The following GSAP variants were observed in gnomAD, a reference collection of about 807,000 sequenced individuals.
The protein encoded by GSAP is gamma-secretase activating protein.
A neutral mutation model predicts 131.7 loss-of-function variants in GSAP; 118 were observed. That is an observed-to-expected ratio of 0.90 (90% CI 0.77 to 1.04). GSAP has a LOEUF of 1.04. GSAP is among the 50% of genes least tolerant of loss of function. The probability of loss-of-function intolerance (pLI) is 0.00; values close to 1 mark genes in which losing one functional copy is unlikely to be tolerated. For synonymous variants in GSAP, 381 were observed against 363.4 expected (o/e 1.05, Z -0.55); for missense variants, 1,019 against 1,013.2 (o/e 1.01, Z -0.08).
intron 5 of GSAP, among the ~76,000 whole-genome samples, chr7:77,389,318 GT>G (rs1799074434): frequency 7.0e-6 from 1 of 142,964 alleles, no homozygotes; most frequent in African/African-American, 2.7e-5. Flanking sequence ...TTGTTTGTTT[GT>G]TTTGTTTTGT....
intron 22 of GSAP, chr7:77,328,337 G>T: frequency 1.6e-6 from 2 of 1,216,918 alleles, no homozygotes; most frequent in Non-Finnish European, 2.0e-6. Context: ...GGGCAGCTCT[G>T]TATGACAGGA....
At chr7:77,333,792 G>A (rs1226247238) in intron 19 of GSAP, among the ~76,000 whole-genome samples, 2 of 152,084 alleles carry the variant, frequency 1.3e-5, no homozygotes, top group African/African-American at 2.4e-5. Flanking sequence ...CCCACATAAC[G>A]TTTTAGATGT....
In GSAP at chr7:77,311,412, T is replaced by C; in HGVS notation, c.2511A>G (p.Ala837=). 1 of 1,612,624 alleles carries C rather than the reference T, an allele frequency of 6.2e-7. No individual in the cohort carries two copies. Residue 837 remains alanine (A), a synonymous_variant, in exon 31 of 31, where the codon GCA becomes GCG. Coordinates refer to ENST00000257626, the MANE Select transcript of GSAP (RefSeq NM_017439.4). ...TCAGAGCTGCTTCCTCTACAAATTC[T>C]GCATCCACATTGTCATGTCCTTCAA... The part of the protein sequence containing the change: ...YPFEGHDNVD[A]EFVEEAALKH...
intron 12 of GSAP, among the ~76,000 whole-genome samples, chr7:77,365,722 G>T (rs779019135): frequency 6.6e-6 from 1 of 152,068 alleles, no homozygotes; most frequent in Non-Finnish European, 1.5e-5. Context: ...ATGGTAGAAT[G>T]ATTTTTATTC....
chr7:77,387,290 A>T (rs574178309), intron 6 of GSAP, 70 bp downstream of exon 6: 2 of 816,028 alleles, frequency 2.5e-6, no homozygotes, highest in East Asian at 4.9e-5. Flanking sequence ...AGTACTTTGT[A>T]AACCCCAATT....
At chr7:77,325,407 A>G (rs11983724) in intron 23 of GSAP, among the ~76,000 whole-genome samples, 29,414 of 152,126 alleles carry the variant, frequency 0.19, 3,048 homozygotes, top group Non-Finnish European at 0.2. Context: ...AAAATATCTT[A>G]TTAGGCTTTC....
At chr7:77,368,434 T>C (rs1795628429) in intron 12 of GSAP, among the ~76,000 whole-genome samples, 1 of 152,190 alleles carries the variant, frequency 6.6e-6, no homozygotes, top group African/African-American at 2.4e-5. Flanking sequence ...TTGGCTACCA[T>C]ACTGGACAAC....
intron 5 of GSAP, among the ~76,000 whole-genome samples, chr7:77,390,946 TAAAAAAAAAAAAAAAAAAAAAAA>T (rs71085453): frequency 9.8e-4 from 37 of 37,944 alleles, no homozygotes; most frequent in African/African-American, 2.3e-3. Context: ...AGACTCCGTC[TAAAAAAAAAAAAAAAAAAAAAAA>T]AAAAAAAAAA....
intron 2 of GSAP, among the ~76,000 whole-genome samples, chr7:77,405,345 C>T (rs1434721027): frequency 3.9e-5 from 6 of 152,146 alleles, no homozygotes; most frequent in African/African-American, 1.2e-4. Flanking sequence ...AACATATCTA[C>T]GTCTGAAGAG....
At chr7:77,386,210 T>A (rs1798544007) in intron 6 of GSAP, among the ~76,000 whole-genome samples, 1 of 152,224 alleles carries the variant, frequency 6.6e-6, no homozygotes, top group South Asian at 2.1e-4. Flanking sequence ...TTGACATTTT[T>A]AAAAGAAGAC....
chr7:77,363,087 T>C (rs1017798174), intron 12 of GSAP, among the ~76,000 whole-genome samples: 3 of 152,198 alleles, frequency 2.0e-5, no homozygotes, highest in Non-Finnish European at 4.4e-5. Context: ...CAGTCTCTAG[T>C]TTATCTTGAT....
chr7:77,361,130 T>C (rs1232388602), intron 13 of GSAP, among the ~76,000 whole-genome samples: 1 of 152,220 alleles, frequency 6.6e-6, no homozygotes, highest in African/African-American at 2.4e-5. Context: ...ATTATAATCT[T>C]AGACCATGAC....
rs757087657 is a variant in GSAP at position 77,412,598 on chromosome 7, C to T, written c.109+3615G>A. ...GATTGAGAGAAAAATATTTGCAACA[C>T]GTGATAAAGAACTATAATCCCAAAA... On this transcript the variant is annotated intron_variant, in intron 1 of 30. Coordinates refer to ENST00000257626, the MANE Select transcript of GSAP (RefSeq NM_017439.4). Among the ~76,000 whole-genome samples, 13 of 151,714 alleles carry T rather than the reference C, an allele frequency of 8.6e-5. No individual in the cohort carries two copies. The South Asian group carries it at 1.2e-3, about 15-fold the overall frequency.
intron 19 of GSAP, 91 bp from the exon 20 acceptor site, chr7:77,330,458 C>T (rs1378917342): frequency 6.7e-7 from 1 of 1,496,828 alleles, no homozygotes; most frequent in Non-Finnish European, 8.9e-7. Context: ...ATTTCCCGAG[C>T]TCTCAGGGTC....
intron 3 of GSAP, among the ~76,000 whole-genome samples, chr7:77,400,263 A>AT (rs1801102256): frequency 6.6e-6 from 1 of 152,076 alleles, no homozygotes; most frequent in African/African-American, 2.4e-5. Context: ...CAAGAGTGAA[A>AT]GCAAATCCAC....
chr7:77,372,675 G>A (rs988296923), intron 12 of GSAP, among the ~76,000 whole-genome samples: 1 of 152,134 alleles, frequency 6.6e-6, no homozygotes, highest in Non-Finnish European at 1.5e-5. Flanking sequence ...AAAGGTAAAC[G>A]GATGTTCATT....
chr7:77,323,482 A>G (rs1468397854), intron 24 of GSAP, among the ~76,000 whole-genome samples, 165 bp downstream of exon 24: 1 of 152,204 alleles, frequency 6.6e-6, no homozygotes, highest in Non-Finnish European at 1.5e-5. Flanking sequence ...TATGGTCCTT[A>G]TTTCCCTTTT....
At chr7:77,380,138 A>C (rs1244919986) in intron 8 of GSAP, 1 of 156,230 alleles carries the variant, frequency 6.4e-6, no homozygotes, top group Non-Finnish European at 1.4e-5. Flanking sequence ...TCAAATAGCC[A>C]GTAAGCTTAG....
chr7:77,356,620 A>G (rs1348434321), intron 14 of GSAP, among the ~76,000 whole-genome samples: 1 of 152,058 alleles, frequency 6.6e-6, no homozygotes, highest in African/African-American at 2.4e-5. Flanking sequence ...CCTGCACTAG[A>G]TATTTTTGAA....
Sources: allele counts gnomAD v4.1 joint callset (sites outside exome capture counted in the v4.1 genomes callset), GRCh38; gene constraint gnomAD v4.1.1; transcripts MANE v1.5; gene names NCBI Gene and HGNC (gene_info 2026-07-23, HGNC 2026-07-21).